Variants in P2RX5 observed in about 807,000 individuals in gnomAD.
The protein encoded by P2RX5 is P2X purinoceptor 5.
A neutral mutation model predicts 54.1 loss-of-function variants in P2RX5; 46 were observed. The observed-to-expected ratio is 0.85, with a 90% CI of 0.67 to 1.09. The LOEUF (loss-of-function observed/expected upper bound fraction) is 1.09. P2RX5 is among the 50% of genes least tolerant of loss of function. The probability of loss-of-function intolerance (pLI) is 0.00; values close to 1 mark genes in which losing one functional copy is unlikely to be tolerated. For synonymous variants in P2RX5, 226 were observed against 226.4 expected (o/e 1.00, Z 0.02); for missense variants, 566 against 549.8 (o/e 1.03, Z -0.29).
upstream of P2RX5, among the ~76,000 whole-genome samples, chr17:3,698,926 T>C (rs553211717): frequency 4.6e-5 from 7 of 151,062 alleles, no homozygotes; most frequent in East Asian, 9.8e-4. Flanking sequence ...AAAAAATAGG[T>C]TGGGCACAGG....
chr17:3,689,403 C>T (rs1432758653), intron 7 of P2RX5, 89 bp downstream of exon 7: 11 of 1,495,850 alleles, frequency 7.4e-6, no homozygotes, highest in South Asian at 3.4e-5. Context: ...CCTCGCCCCA[C>T]GAGTCCCCGT....
At position 3,688,623 on chromosome 17, in the gene P2RX5, T is replaced by A. The variant is rs372264272; in HGVS notation, c.887+3A>T. On this transcript the variant is annotated splice_donor_region_variant and intron_variant, in intron 8 of 11. Coordinates refer to ENST00000225328, the MANE Select transcript of P2RX5 (RefSeq NM_002561.4). ...TCACAAGTGGGCACAAGGCAGCGGT[T>A]ACCTGAAGTTGTACCCGGAGGAGAC... The A allele has an allele frequency of 2.6e-5, 42 of 1,614,122 alleles. 1 individual carries two copies. Among genetic ancestry groups the A allele is most frequent in the South Asian group, 1.9e-4 (17 of 91,090 alleles).
chr17:3,677,984 A>G (rs2050142183), intron 11 of P2RX5: 1 of 985,266 alleles, frequency 1.0e-6, no homozygotes, highest in Admixed American at 6.1e-5. Flanking sequence ...CCCCTGTCTC[A>G]TGCAGGCACA....
chr17:3,684,570 C>G (rs1363695026), intron 9 of P2RX5, among the ~76,000 whole-genome samples: 1 of 152,238 alleles, frequency 6.6e-6, no homozygotes, highest in Non-Finnish European at 1.5e-5. Flanking sequence ...CCACTGCACT[C>G]CAGCCTGGGC....
Position 3,688,060 on chromosome 17 carries a change from G to T in P2RX5, c.933C>A (p.Thr311=), listed in dbSNP as rs747939142. 44 of 1,606,122 alleles carry T rather than the reference G, an allele frequency of 2.7e-5. No individual in the cohort carries two copies. The highest frequency in any genetic ancestry group is 3.5e-5 in the Non-Finnish European group (41 of 1,176,528). ...AGCGGATCCCGTAGGCTTTCATCAG[G>T]GTGCGGAACTCCACCCCGGCTGCGT... The part of the protein sequence containing the change: ...YRDAAGVEFR[T]LMKAYGIRFD... Residue 311 remains threonine, a synonymous_variant, in exon 9 of 12, where the codon ACC becomes ACA. Coordinates refer to ENST00000225328, the MANE Select transcript of P2RX5 (RefSeq NM_002561.4).
chr17:3,712,475 A>G, the P2RX5 span, among the ~76,000 whole-genome samples: 2 of 152,198 alleles, frequency 1.3e-5, no homozygotes, highest in African/African-American at 4.8e-5. Context: ...GGAGGGCCAG[A>G]AAAGCCCTCC....
intron 11 of P2RX5, among the ~76,000 whole-genome samples, chr17:3,679,076 G>C (rs1021300647): frequency 6.6e-6 from 1 of 152,218 alleles, no homozygotes; most frequent in African/African-American, 2.4e-5. Flanking sequence ...GGTCATCTGA[G>C]CACAGAGACG....
chr17:3,707,423 C>G, the P2RX5 span, among the ~76,000 whole-genome samples: 1 of 152,112 alleles, frequency 6.6e-6, no homozygotes, highest in African/African-American at 2.4e-5. Flanking sequence ...CCAAAAGACC[C>G]CAGGCCTGGG....
chr17:3,714,584 T>C, the P2RX5 span: 1 of 325,906 alleles, frequency 3.1e-6, no homozygotes, highest in African/African-American at 2.1e-5. Flanking sequence ...CAAAATGTAC[T>C]GCAAATCCTA....
chr17:3,689,935 C>G (rs969119208), intron 6 of P2RX5, 135 bp downstream of exon 6: 9 of 889,470 alleles, frequency 1.0e-5, no homozygotes, highest in Non-Finnish European at 1.5e-5. Flanking sequence ...CGCACACACG[C>G]ACACACGCGA....
rs2050032476 is a variant in P2RX5, at chr17:3,673,647, G to A, written c.*221C>T. 3 of 1,441,408 alleles carry A rather than the reference G, an allele frequency of 2.1e-6. No individual in the cohort carries two copies. Among genetic ancestry groups the A allele is most frequent in the South Asian group, 1.5e-5 (1 of 68,164 alleles). The allele number at this position is 1,441,408 out of a possible 1,614,324, so 89.3% of individuals were successfully genotyped here. On this transcript the variant is annotated 3_prime_UTR_variant, in exon 12 of 12. Transcript: ENST00000225328. ...AGAAAGGAAGAACTGACGGCAGGGGGTGGGGCAAAAAGACAGCCATGATGG... is the reference window on the plus strand; with the variant it reads ...AGAAAGGAAGAACTGACGGCAGGGGATGGGGCAAAAAGACAGCCATGATGG...
chr17:3,710,717 C>T, the P2RX5 span, among the ~76,000 whole-genome samples: 1 of 151,878 alleles, frequency 6.6e-6, no homozygotes, highest in Non-Finnish European at 1.5e-5. Flanking sequence ...CACTTGAAGT[C>T]GGGAGTTCAA....
At chr17:3,715,463 G>A in the P2RX5 span, among the ~76,000 whole-genome samples, 1 of 152,170 alleles carries the variant, frequency 6.6e-6, no homozygotes, top group South Asian at 2.1e-4. Flanking sequence ...AGGGAAGACA[G>A]TGAGTGAAGT....
At chr17:3,695,185 G>A (rs904962151) in intron 1 of P2RX5, among the ~76,000 whole-genome samples, 1 of 152,236 alleles carries the variant, frequency 6.6e-6, no homozygotes, top group African/African-American at 2.4e-5. Flanking sequence ...CCACCCCGGG[G>A]TCAGGGCTCT....
At chr17:3,702,852 A>ATCTC in the P2RX5 span, among the ~76,000 whole-genome samples, 1 of 152,054 alleles carries the variant, frequency 6.6e-6, no homozygotes, top group Non-Finnish European at 1.5e-5. Context: ...TTTTTACATC[A>ATCTC]TCTCCCTTGC....
chr17:3,705,942 A>G, the P2RX5 span, among the ~76,000 whole-genome samples: 8 of 151,388 alleles, frequency 5.3e-5, no homozygotes, highest in Non-Finnish European at 7.4e-5. Context: ...GACTACAGGT[A>G]CATACTACAC....
the P2RX5 span, chr17:3,716,713 A>G: frequency 6.2e-7 from 1 of 1,605,602 alleles, no homozygotes; most frequent in Non-Finnish European, 8.5e-7. Flanking sequence ...CAGAATCACG[A>G]TCAACACCAG....
the P2RX5 span, chr17:3,723,640 C>T: frequency 3.3e-6 from 5 of 1,517,944 alleles, no homozygotes; most frequent in African/African-American, 2.8e-5. Flanking sequence ...TCGTTACCCG[C>T]TTCAGGCCCT....
At chr17:3,690,844 G>T in intron 3 of P2RX5, 112 bp downstream of exon 3, 1 of 1,157,650 alleles carries the variant, frequency 8.6e-7, no homozygotes, top group Non-Finnish European at 1.3e-6. Flanking sequence ...GGTGCACACA[G>T]CCACCCGAGA....
Sources: gnomAD v4.1 joint callset for allele counts (sites outside exome capture counted in the v4.1 genomes callset) on GRCh38, gnomAD v4.1.1 for gene constraint, MANE v1.5 for transcripts, NCBI Gene and HGNC (gene_info 2026-07-23, HGNC 2026-07-21) for gene names.